PXDNL: variants seen among roughly 807,000 people sequenced by gnomAD.
The protein encoded by PXDNL is probable oxidoreductase PXDNL.
Under a neutral mutation model 150.8 loss-of-function variants are expected in PXDNL, and 145 were observed. The observed-to-expected ratio is 0.96, with a 90% confidence interval of 0.84 to 1.10. The LOEUF (loss-of-function observed/expected upper bound fraction) is 1.10, where lower values mean the gene tolerates loss of function less well. PXDNL is among the 50% of genes least tolerant of loss of function. The pLI is 0.00. For synonymous variants in PXDNL, 757 were observed against 725.7 expected (o/e 1.04, Z -0.69); for missense variants, 2,087 against 1,873.9 (o/e 1.11, Z -2.10).
At chr8:51,403,819 G>A (rs57236807) in intron 17 of PXDNL, among the ~76,000 whole-genome samples, 5,398 of 152,256 alleles carry the variant, frequency 0.035, 275 homozygotes, top group East Asian at 0.25. Context: ...TGATGTGTTC[G>A]GAATTGGTGA....
chr8:51,805,250 C>T (rs1041266894), intron 1 of PXDNL, among the ~76,000 whole-genome samples: 6 of 151,564 alleles, frequency 4.0e-5, no homozygotes, highest in African/African-American at 1.5e-4. Context: ...CGGTTACAAA[C>T]AAGCTACAAA....
intron 2 of PXDNL, among the ~76,000 whole-genome samples, chr8:51,613,222 G>A (rs1027612135): frequency 1.3e-5 from 2 of 151,832 alleles, no homozygotes; most frequent in Non-Finnish European, 2.9e-5. Flanking sequence ...ATATATATAT[G>A]TATATATATG....
chr8:51,520,486 C>G (rs1411141435), intron 4 of PXDNL, among the ~76,000 whole-genome samples: 1 of 151,998 alleles, frequency 6.6e-6, no homozygotes, highest in Non-Finnish European at 1.5e-5. Context: ...GACATAGGCC[C>G]GCCATGCACC....
chr8:51,604,163 G>C (rs1813791038), intron 2 of PXDNL, among the ~76,000 whole-genome samples: 1 of 152,058 alleles, frequency 6.6e-6, no homozygotes, highest in Non-Finnish European at 1.5e-5. Flanking sequence ...ATACCCAAAG[G>C]ATTATAAATC....
At chr8:51,668,884 A>G (rs1330970804) in intron 1 of PXDNL, among the ~76,000 whole-genome samples, 1 of 152,200 alleles carries the variant, frequency 6.6e-6, no homozygotes, top group African/African-American at 2.4e-5. Context: ...GTTCTTGCAT[A>G]TAATAACTGA....
chr8:51,716,805 G>T (rs1414616818), intron 1 of PXDNL, among the ~76,000 whole-genome samples: 1 of 152,216 alleles, frequency 6.6e-6, no homozygotes, highest in Non-Finnish European at 1.5e-5. Context: ...GTCAGGAAGA[G>T]CAGAGAAGGC....
At chr8:51,663,449 G>GTTACAGCTTACAAACAC (rs1397425205) in intron 1 of PXDNL, among the ~76,000 whole-genome samples, 1 of 152,080 alleles carries the variant, frequency 6.6e-6, no homozygotes, top group African/African-American at 2.4e-5. Flanking sequence ...GGATTATGTG[G>GTTACAGCTTACAAACAC]TTACAGCTTA....
intron 12 of PXDNL, among the ~76,000 whole-genome samples, chr8:51,445,395 T>C (rs1181938003): frequency 6.6e-6 from 1 of 152,224 alleles, no homozygotes; most frequent in Non-Finnish European, 1.5e-5. Context: ...GGGCTCTTTG[T>C]TCTCTAAAAC....
At chr8:51,707,520 G>C (rs1816406845) in intron 1 of PXDNL, among the ~76,000 whole-genome samples, 1 of 151,998 alleles carries the variant, frequency 6.6e-6, no homozygotes, top group African/African-American at 2.4e-5. Context: ...TTTTGTTTGT[G>C]GTAAGAGCAC....
At chr8:51,597,490 A>G (rs1469382315) in intron 2 of PXDNL, among the ~76,000 whole-genome samples, 1 of 152,152 alleles carries the variant, frequency 6.6e-6, no homozygotes, top group Non-Finnish European at 1.5e-5. Flanking sequence ...GGTCACTTTG[A>G]GCAGAATGTC....
intron 10 of PXDNL, among the ~76,000 whole-genome samples, chr8:51,450,138 A>G (rs530069789): frequency 6.6e-6 from 1 of 152,312 alleles, no homozygotes; most frequent in Admixed American, 6.5e-5. Flanking sequence ...TTGCCATGGC[A>G]TTTGTAAACT....
intron 1 of PXDNL, among the ~76,000 whole-genome samples, chr8:51,686,313 C>G (rs1403455758): frequency 6.6e-6 from 1 of 152,212 alleles, no homozygotes; most frequent in Non-Finnish European, 1.5e-5. Flanking sequence ...TAAGAAACCA[C>G]AGCCATGCTT....
intron 3 of PXDNL, among the ~76,000 whole-genome samples, chr8:51,557,325 AG>A (rs1308151430): frequency 1.3e-5 from 2 of 152,172 alleles, no homozygotes; most frequent in Non-Finnish European, 2.9e-5. Context: ...AGGGGATAAA[AG>A]CATCTTAGAG....
intron 7 of PXDNL, 68 bp downstream of exon 7, chr8:51,474,904 T>G: frequency 1.5e-6 from 2 of 1,325,852 alleles, no homozygotes; most frequent in Non-Finnish European, 2.1e-6. Flanking sequence ...TATTATATAA[T>G]AAACCTTTAC....
chr8:51,463,329 G>A (rs936183146), intron 8 of PXDNL, among the ~76,000 whole-genome samples: 12 of 152,134 alleles, frequency 7.9e-5, no homozygotes, highest in African/African-American at 2.7e-4. Context: ...AAGGCACAGA[G>A]TGGCAAGTTG....
At chr8:51,470,368 C>T (rs10958267) in intron 8 of PXDNL, among the ~76,000 whole-genome samples, 148,320 of 152,136 alleles carry the variant, frequency 0.97, 72,425 homozygotes, top group East Asian at 1. Flanking sequence ...ATCCAAATTA[C>T]ACACAAAAAG....
intron 1 of PXDNL, among the ~76,000 whole-genome samples, chr8:51,676,036 T>C (rs974357422): frequency 8.5e-5 from 13 of 152,204 alleles, no homozygotes; most frequent in Admixed American, 3.9e-4. Flanking sequence ...CTAACAGCTC[T>C]AAGCTTTTGT....
chr8:51,767,415 G>T (rs4531046), intron 1 of PXDNL, among the ~76,000 whole-genome samples: 27,144 of 151,864 alleles, frequency 0.18, 2,795 homozygotes, highest in Non-Finnish European at 0.22. Flanking sequence ...TGTAAAGTCT[G>T]TATTCTTTGT....
At chr8:51,772,081 C>A (rs1246622244) in intron 1 of PXDNL, among the ~76,000 whole-genome samples, 1 of 152,016 alleles carries the variant, frequency 6.6e-6, no homozygotes, top group Non-Finnish European at 1.5e-5. Flanking sequence ...GGTGTCTCTC[C>A]CTCTCCTGCT....
Sources: gnomAD v4.1 joint callset for allele counts (sites outside exome capture counted in the v4.1 genomes callset) on GRCh38, gnomAD v4.1.1 for gene constraint, MANE v1.5 for transcripts, NCBI Gene and HGNC (gene_info 2026-07-23, HGNC 2026-07-21) for gene names.